Variants in DCC observed in about 807,000 individuals in gnomAD.
DCC encodes the protein DCC netrin 1 receptor.
A neutral mutation model predicts 172.5 loss-of-function variants in DCC; 58 were observed. That is an observed-to-expected ratio of 0.34 (90% CI 0.27 to 0.42). DCC has a LOEUF of 0.42. DCC is among the 10% of genes least tolerant of loss of function. DCC has a pLI of 1.00. For synonymous variants in DCC, 709 were observed against 644.5 expected (o/e 1.10, Z -1.52); for missense variants, 1,740 against 1,791.0 (o/e 0.97, Z 0.51).
intron 26 of DCC, among the ~76,000 whole-genome samples, chr18:53,490,948 T>C (rs539421869): frequency 1.1e-4 from 16 of 152,304 alleles, no homozygotes; most frequent in Admixed American, 8.5e-4. Context: ...CCCTTAGGGA[T>C]TGGTGATATA....
intron 13 of DCC, among the ~76,000 whole-genome samples, chr18:53,319,627 G>T (rs563396942): frequency 6.6e-6 from 1 of 152,194 alleles, no homozygotes; most frequent in Non-Finnish European, 1.5e-5. Flanking sequence ...ACTAAGAAAA[G>T]TATTGCAAGG....
chr18:52,440,415 C>G (rs1472297660), intron 1 of DCC, among the ~76,000 whole-genome samples: 1 of 152,118 alleles, frequency 6.6e-6, no homozygotes, highest in African/African-American at 2.4e-5. Context: ...ATTTATAGTA[C>G]TTCCATAGCC....
At chr18:52,952,544 A>C (rs1193957220) in intron 5 of DCC, among the ~76,000 whole-genome samples, 2 of 152,200 alleles carry the variant, frequency 1.3e-5, no homozygotes, top group African/African-American at 4.8e-5. Flanking sequence ...ATACCAATTT[A>C]AGTTACTGCA....
chr18:53,291,099 C>T (rs544719713), intron 12 of DCC, among the ~76,000 whole-genome samples: 6 of 151,790 alleles, frequency 4.0e-5, no homozygotes, highest in South Asian at 2.1e-4. Context: ...ACCCAGGAGG[C>T]GGACGTTGCA....
At chr18:52,433,960 A>G (rs1987707533) in intron 1 of DCC, among the ~76,000 whole-genome samples, 2 of 152,214 alleles carry the variant, frequency 1.3e-5, no homozygotes, top group African/African-American at 4.8e-5. Flanking sequence ...GGTTAAAAAA[A>G]TCACACATGT....
At chr18:53,227,334 A>T (rs1306327129) in intron 12 of DCC, among the ~76,000 whole-genome samples, 1 of 152,146 alleles carries the variant, frequency 6.6e-6, no homozygotes, top group Non-Finnish European at 1.5e-5. Context: ...GTTTAATCTC[A>T]TCAAATGTCC....
chr18:53,484,678 A>G lies in DCC; in HGVS notation c.3737-2119A>G, dbSNP rs545754638. ...ATCATTCCCCCAGCACCATTTATGG[A>G]AGAGACTATACCTTTTTAACATAAT... On this transcript the variant is annotated intron_variant, in intron 25 of 28. Transcript: ENST00000442544. Among the ~76,000 whole-genome samples, 318 of 152,198 alleles carry G rather than the reference A, an allele frequency of 2.1e-3. 2 individuals are homozygous for G. The highest frequency in any genetic ancestry group is 7.3e-3 in the African/African-American group (305 of 41,562).
At chr18:52,564,077 T>C (rs2033100981) in intron 1 of DCC, among the ~76,000 whole-genome samples, 1 of 152,206 alleles carries the variant, frequency 6.6e-6, no homozygotes, top group Admixed American at 6.5e-5. Flanking sequence ...GGCACTCTTC[T>C]ATGTTTCTTG....
chr18:53,489,476 A>C (rs1192932391), intron 26 of DCC, among the ~76,000 whole-genome samples: 2 of 152,188 alleles, frequency 1.3e-5, no homozygotes, highest in East Asian at 3.9e-4. Context: ...AGAACACTAA[A>C]CAAACATTCC....
intron 2 of DCC, among the ~76,000 whole-genome samples, chr18:52,815,050 G>C (rs1213233846): frequency 6.6e-6 from 1 of 152,140 alleles, no homozygotes; most frequent in Non-Finnish European, 1.5e-5. Context: ...AAAAAATAGG[G>C]ACATCAAACG....
Position 52,457,879 on chromosome 18 carries a change from G to A in DCC, c.91+117001G>A, listed in dbSNP as rs186176357. Reference sequence around the variant, plus strand: ...CCTCTCAAAGATCTTGCCCACCCCTGACAGTTTCAACTGGTTAAAACAAGC... The same window carrying A: ...CCTCTCAAAGATCTTGCCCACCCCTAACAGTTTCAACTGGTTAAAACAAGC... On this transcript the variant is annotated intron_variant, in intron 1 of 28. Coordinates refer to ENST00000442544, the MANE Select transcript of DCC (RefSeq NM_005215.4). Among the ~76,000 whole-genome samples the A allele has an allele frequency of 1.1e-4, 17 of 151,130 alleles. No homozygotes were observed. The Admixed American group carries it at 1.1e-3, about 10-fold the overall frequency.
At chr18:52,620,383 C>T in intron 1 of DCC, among the ~76,000 whole-genome samples, 1 of 152,192 alleles carries the variant, frequency 6.6e-6, no homozygotes, top group East Asian at 1.9e-4. Context: ...ACAATTAGGG[C>T]TTTGAGACTC....
Position 53,322,119 on chromosome 18 carries a change from A to G in DCC, c.2126A>G (p.Asn709Ser). Reference sequence around the variant, plus strand: ...GTCAATGGTACTGGACCACCTTCCAACTGGTATACTGCAGAGACTCCAGAG... The same window carrying G: ...GTCAATGGTACTGGACCACCTTCCAGCTGGTATACTGCAGAGACTCCAGAG... ...MTVNGTGPPS[N>S]WYTAETPEND... Residue 709 changes from asparagine to serine, a missense_variant, in exon 14 of 29, where the codon AAC becomes AGC. Asn to Ser is a conservative substitution (Grantham distance 46). Transcript: ENST00000442544. The G allele has an allele frequency of 6.3e-7, 1 of 1,597,112 alleles. No homozygotes were observed. The highest frequency in any genetic ancestry group is 8.6e-7 in the Non-Finnish European group (1 of 1,164,434).
At chr18:52,796,316 T>C (rs2037877117) in intron 2 of DCC, among the ~76,000 whole-genome samples, 1 of 152,122 alleles carries the variant, frequency 6.6e-6, no homozygotes, top group South Asian at 2.1e-4. Context: ...CCATTTGTTA[T>C]TTTCTTATGG....
intron 7 of DCC, among the ~76,000 whole-genome samples, chr18:53,072,861 A>G (rs1307953008): frequency 6.6e-6 from 1 of 152,342 alleles, no homozygotes; most frequent in Admixed American, 6.5e-5. Context: ...CAGCTCTATC[A>G]TATATTAGCT....
At chr18:53,263,211 G>A (rs576433029) in intron 12 of DCC, among the ~76,000 whole-genome samples, 1 of 152,262 alleles carries the variant, frequency 6.6e-6, no homozygotes, top group East Asian at 1.9e-4. Context: ...GAGTGCAGTG[G>A]TGTGATCTCA....
chr18:53,307,211 C>A (rs893120772), intron 13 of DCC, among the ~76,000 whole-genome samples: 4 of 152,150 alleles, frequency 2.6e-5, no homozygotes, highest in African/African-American at 9.7e-5. Flanking sequence ...TGGACAAAAT[C>A]TCTGAGGCAG....
intron 5 of DCC, among the ~76,000 whole-genome samples, chr18:53,045,719 A>G (rs145555639): frequency 3.4e-4 from 51 of 151,890 alleles, no homozygotes; most frequent in Non-Finnish European, 6.0e-4. Context: ...GTAAAAGTCT[A>G]ATGTATGCCT....
At chr18:52,856,044 C>T (rs935827282) in intron 2 of DCC, among the ~76,000 whole-genome samples, 16 of 151,604 alleles carry the variant, frequency 1.1e-4, no homozygotes, top group African/African-American at 1.7e-4. Flanking sequence ...GGATTACAGG[C>T]GTGAGCCACC....
Sources: gnomAD v4.1 joint callset for allele counts (sites outside exome capture counted in the v4.1 genomes callset) on GRCh38, gnomAD v4.1.1 for gene constraint, MANE v1.5 for transcripts, NCBI Gene and HGNC (gene_info 2026-07-23, HGNC 2026-07-21) for gene names.